ADGRV1: variants seen among roughly 807,000 people sequenced by gnomAD.
ADGRV1 encodes G-protein coupled receptor 98.
Under a neutral mutation model 596.2 loss-of-function variants are expected in ADGRV1, and 359 were observed. That is an observed-to-expected ratio of 0.60 (90% CI 0.55 to 0.66). The LOEUF (loss-of-function observed/expected upper bound fraction) is 0.66. Among genes scored for constraint, ADGRV1 ranks in the 30% least tolerant of loss-of-function variants. ADGRV1 has a pLI of 0.00. For synonymous variants in ADGRV1, 2,681 were observed against 2,679.2 expected (o/e 1.00, Z -0.02); for missense variants, 7,274 against 7,575.6 (o/e 0.96, Z 1.48).
chr5:90,866,315 ATG>A (rs149341618), intron 83 of ADGRV1, among the ~76,000 whole-genome samples: 21 of 138,326 alleles, frequency 1.5e-4, no homozygotes, highest in African/African-American at 4.6e-4. Flanking sequence ...GTATGTGTAT[ATG>A]TGTGTGTGTG....
intron 86 of ADGRV1, among the ~76,000 whole-genome samples, chr5:91,091,160 C>G (rs1339952133): frequency 6.6e-6 from 1 of 152,112 alleles, no homozygotes; most frequent in African/African-American, 2.4e-5. Context: ...TTTTCTCCCT[C>G]CCTCTCTTTT....
chr5:90,665,729 C>T (rs375676920), intron 21 of ADGRV1, among the ~76,000 whole-genome samples: 9,230 of 148,822 alleles, frequency 0.062, 408 homozygotes, highest in Non-Finnish European at 0.089. Flanking sequence ...TGGATCTTTC[C>T]TGCTTTCTCT....
At position 90,863,768 on chromosome 5, in the gene ADGRV1, G is replaced by C; in HGVS notation, c.17767G>C (p.Ala5923Pro). Residue 5923 changes from alanine to proline, a missense_variant, in exon 83 of 90, where the codon GCT (alanine) becomes CCT (proline). Transcript: ENST00000405460. The part of the protein sequence containing the change: ...GFICISGLCL[A>P]VLSHIFCARY... ...TTTTGTTCCTACAGGTCTTTGCTTGGCTGTTCTTTCCCATATCTTCTGTGC... is the reference window on the plus strand; with the variant it reads ...TTTTGTTCCTACAGGTCTTTGCTTGCCTGTTCTTTCCCATATCTTCTGTGC... 6.2e-7 allele frequency: 1 copy of C among 1,612,784 alleles called. No individual in the cohort carries two copies.
intron 1 of ADGRV1, among the ~76,000 whole-genome samples, chr5:90,607,497 AG>A (rs1457892511): frequency 6.6e-6 from 1 of 152,126 alleles, no homozygotes; most frequent in African/African-American, 2.4e-5. Flanking sequence ...TAAATAAAAC[AG>A]GGGATTAAGT....
chr5:90,859,755 G>A (rs1175511637), intron 82 of ADGRV1, among the ~76,000 whole-genome samples: 1 of 152,008 alleles, frequency 6.6e-6, no homozygotes, highest in South Asian at 2.1e-4. Context: ...TTGAAATATG[G>A]CTTATACAAG....
In ADGRV1 at chr5:90,628,777, T is replaced by C; in HGVS notation, c.1454T>C (p.Leu485Pro). ...DLPEEAEAYL[L>P]QILPHTIRGG... ...CCAGAAGAGGCAGAAGCTTATCTAC[T>C]TCAAATTCTGCCTCATACAATACGA... Residue 485 changes from leucine (L) to proline (P), a missense_variant, in exon 8 of 90, where the codon CTT becomes CCT. By Grantham distance (98) the Leu-to-Pro change is moderately conservative. Coordinates refer to ENST00000405460, the MANE Select transcript of ADGRV1 (RefSeq NM_032119.4). 6.2e-7 allele frequency: 1 copy of C among 1,613,978 alleles called. No individual in the cohort carries two copies. Among genetic ancestry groups the C allele is most frequent in the Non-Finnish European group, 8.5e-7 (1 of 1,179,850 alleles).
chr5:91,070,234 C>T (rs1458877549), intron 85 of ADGRV1, among the ~76,000 whole-genome samples: 1 of 152,170 alleles, frequency 6.6e-6, no homozygotes, highest in African/African-American at 2.4e-5. Context: ...CAAACTTGCA[C>T]ATGGACTCCC....
chr5:90,663,368 A>G (rs1350480424), intron 21 of ADGRV1, among the ~76,000 whole-genome samples: 1 of 151,180 alleles, frequency 6.6e-6, no homozygotes, highest in Non-Finnish European at 1.5e-5. Flanking sequence ...GCCAGTGATG[A>G]TGAGCATTTT....
chr5:90,584,397 A>G (rs1758474571), intron 1 of ADGRV1, among the ~76,000 whole-genome samples: 1 of 152,170 alleles, frequency 6.6e-6, no homozygotes, highest in South Asian at 2.1e-4. Flanking sequence ...TTCTTCTTGA[A>G]GCGGAGTCCC....
chr5:90,959,748 A>T (rs1183243715), intron 83 of ADGRV1, among the ~76,000 whole-genome samples: 2 of 152,206 alleles, frequency 1.3e-5, no homozygotes, highest in African/African-American at 4.8e-5. Flanking sequence ...TTTTGGAAAA[A>T]AATCAAAATA....
Position 90,690,868 on chromosome 5 carries a change from C to T in ADGRV1, c.6778C>T (p.Arg2260Ter), listed in dbSNP as rs779821643. ...AGTGAAGGTAAACCTGCCAATAATT[C>T]GAAATTCTGGGACACTCGGCAATGT... ...NSVKVNLPII[R>*]NSGTLGNVTV... The change falls in exon 31 of 90, where the codon CGA becomes TGA. Residue 2260 changes from arginine (R) to a stop codon, truncating the protein, a stop_gained. Coordinates refer to ENST00000405460, the MANE Select transcript of ADGRV1 (RefSeq NM_032119.4). LOFTEE classifies it high-confidence loss of function. 1 of 1,611,934 alleles carries T rather than the reference C, an allele frequency of 6.2e-7. No individual in the cohort carries two copies. The highest frequency in any genetic ancestry group is 8.5e-7 in the Non-Finnish European group (1 of 1,178,850).
intron 85 of ADGRV1, among the ~76,000 whole-genome samples, chr5:91,033,298 A>C (rs940826584): frequency 1.3e-5 from 2 of 152,120 alleles, no homozygotes; most frequent in Non-Finnish European, 2.9e-5. Flanking sequence ...TAATTTTTTT[A>C]TTATAAGCAT....
intron 43 of ADGRV1, chr5:90,717,824 T>C (rs1255124714): frequency 6.6e-6 from 1 of 152,208 alleles, no homozygotes; most frequent in African/African-American, 2.4e-5. Flanking sequence ...TAATTTTTTG[T>C]ATTTTTAGTA....
At chr5:90,952,969 A>G (rs996344191) in intron 83 of ADGRV1, among the ~76,000 whole-genome samples, 17 of 152,292 alleles carry the variant, frequency 1.1e-4, no homozygotes, top group Middle Eastern at 3.4e-3. Context: ...AAGGAAAACC[A>G]GTTTAGTGAT....
intron 83 of ADGRV1, among the ~76,000 whole-genome samples, chr5:90,898,148 T>C (rs1771503483): frequency 6.6e-6 from 1 of 152,224 alleles, no homozygotes. Flanking sequence ...CACATTTATA[T>C]GTATTAATCC....
Position 90,709,056 on chromosome 5 carries a change from ACT to A in ADGRV1, c.8824+151_8824+152del, listed in dbSNP as rs370458743. On this transcript the variant is annotated intron_variant, in intron 39 of 89. Coordinates refer to ENST00000405460, the MANE Select transcript of ADGRV1 (RefSeq NM_032119.4). ...ATGGGCTTTTATATTTATTTTTGAT[ACT>A]CTCATATATTGCAATTTTTACAATG... 5.0e-4 allele frequency: 270 copies of A among 545,222 alleles called. 5 individuals are homozygous for A. The East Asian group carries it at 5.4e-3, about 11-fold the overall frequency. 33.8% of individuals were successfully genotyped at this position (545,222 alleles called of 1,614,324 possible).
chr5:90,715,108 A>G (rs1304265016), intron 42 of ADGRV1, among the ~76,000 whole-genome samples: 1 of 152,210 alleles, frequency 6.6e-6, no homozygotes, highest in Admixed American at 6.5e-5. Context: ...GATCTTTTAT[A>G]CCATTGCCTT....
intron 58 of ADGRV1, among the ~76,000 whole-genome samples, chr5:90,761,974 T>C (rs1756560773): frequency 6.6e-6 from 1 of 152,198 alleles, no homozygotes; most frequent in African/African-American, 2.4e-5. Context: ...AAACATTCTG[T>C]TAGCATTATT....
intron 87 of ADGRV1, among the ~76,000 whole-genome samples, chr5:91,105,970 T>TA (rs1389270056): frequency 6.6e-6 from 1 of 151,164 alleles, no homozygotes; most frequent in East Asian, 1.9e-4. Flanking sequence ...TAATAGCCTG[T>TA]AAAATCTTTT....
Sources: allele counts gnomAD v4.1 joint callset (sites outside exome capture counted in the v4.1 genomes callset), GRCh38; gene constraint gnomAD v4.1.1; transcripts MANE v1.5; gene names NCBI Gene and HGNC (gene_info 2026-07-23, HGNC 2026-07-21).